ZNF385D: variants seen among roughly 807,000 people sequenced by gnomAD.
The protein encoded by ZNF385D is zinc finger protein 659.
A neutral mutation model predicts 35.8 loss-of-function variants in ZNF385D; 15 were observed. That is an observed-to-expected ratio of 0.42 (90% CI 0.28 to 0.64). The LOEUF (loss-of-function observed/expected upper bound fraction) is 0.64, where lower values mean the gene tolerates loss of function less well. ZNF385D is among the 30% of genes least tolerant of loss of function. The pLI is 0.23. For missense variants in ZNF385D, 474 were observed against 494.6 expected, an observed-to-expected ratio of 0.96 and a Z score of 0.39; for synonymous variants, 212 against 186.8, an observed-to-expected ratio of 1.13 and a Z score of -1.10.
chr3:21,627,868 A>G (rs1221013654), intron 2 of ZNF385D, among the ~76,000 whole-genome samples: 1 of 152,126 alleles, frequency 6.6e-6, no homozygotes, highest in African/African-American at 2.4e-5. Flanking sequence ...TGAAGCAACA[A>G]TAAGGGTAGA....
At chr3:21,681,311 A>AAC (rs1408181610) in intron 1 of ZNF385D, among the ~76,000 whole-genome samples, 1 of 150,062 alleles carries the variant, frequency 6.7e-6, no homozygotes, top group Non-Finnish European at 1.5e-5. Flanking sequence ...AAAAAAAAAA[A>AAC]AAAAAAAAAA....
chr3:22,219,499 A>G (rs1401849820), intron 2 of ZNF385D, among the ~76,000 whole-genome samples: 1 of 152,128 alleles, frequency 6.6e-6, no homozygotes, highest in African/African-American at 2.4e-5. Flanking sequence ...AGAATTTAAT[A>G]AAGCTGTTTT....
rs1051168765 is a variant in ZNF385D at position 21,539,306 on chromosome 3, C to T, written c.276+25268G>A. Among the ~76,000 whole-genome samples the T allele has an allele frequency of 3.3e-5, 5 of 152,004 alleles. No homozygotes were observed. Among genetic ancestry groups the T allele is most frequent in the Non-Finnish European group, 7.4e-5 (5 of 67,990 alleles). The stretch of plus-strand genomic sequence containing the variant: ...TAGATCACTTTCTCATTAATTGATG[C>T]CATTTTGCCCTGGTTTTGTTTCACG... On this transcript the variant is annotated intron_variant, in intron 3 of 7. Transcript: ENST00000281523. The surrounding 1 kb of genome is among the most constrained non-coding windows in gnomAD (Gnocchi z 4.0).
chr3:21,717,802 G>A (rs918605819), intron 1 of ZNF385D, among the ~76,000 whole-genome samples: 1 of 152,094 alleles, frequency 6.6e-6, no homozygotes, highest in Non-Finnish European at 1.5e-5. Context: ...TGATTGTGAG[G>A]CCTTTCTAGC....
chr3:21,452,031 T>C (rs1367297017), intron 4 of ZNF385D, among the ~76,000 whole-genome samples: 1 of 152,080 alleles, frequency 6.6e-6, no homozygotes, highest in African/African-American at 2.4e-5. Flanking sequence ...ACTATGTGTA[T>C]GACTAGAAAA....
chr3:21,542,100 G>T (rs149723936), intron 3 of ZNF385D, among the ~76,000 whole-genome samples: 1 of 151,992 alleles, frequency 6.6e-6, no homozygotes, highest in Non-Finnish European at 1.5e-5. Context: ...TACAAAACAA[G>T]CTTTCAGAAT....
At chr3:22,036,521 G>T (rs1479897275) in intron 3 of ZNF385D, among the ~76,000 whole-genome samples, 1 of 151,912 alleles carries the variant, frequency 6.6e-6, no homozygotes, top group African/African-American at 2.4e-5. Flanking sequence ...AGGAAAAATG[G>T]AAAGAAATAG....
At chr3:21,548,657 C>A (rs772958001) in intron 3 of ZNF385D, among the ~76,000 whole-genome samples, 5 of 152,176 alleles carry the variant, frequency 3.3e-5, no homozygotes, top group Non-Finnish European at 7.3e-5. Flanking sequence ...CCAGCAATTC[C>A]TGAACATGCT....
intron 3 of ZNF385D, among the ~76,000 whole-genome samples, chr3:22,027,803 C>T (rs936307150): frequency 2.0e-5 from 3 of 152,178 alleles, no homozygotes; most frequent in Non-Finnish European, 1.5e-5. Context: ...GCCTTCTCTA[C>T]CCCAGCCTGC....
At chr3:22,129,973 C>A (rs1308689250) in intron 3 of ZNF385D, among the ~76,000 whole-genome samples, 1 of 152,120 alleles carries the variant, frequency 6.6e-6, no homozygotes, top group Non-Finnish European at 1.5e-5. Context: ...CCCATGGCGA[C>A]TGCTGCCTGG....
At chr3:22,291,431 T>C (rs1702297529) in intron 2 of ZNF385D, among the ~76,000 whole-genome samples, 1 of 152,122 alleles carries the variant, frequency 6.6e-6, no homozygotes, top group South Asian at 2.1e-4. Context: ...TAATTAATAG[T>C]AAATTCTTAA....
intron 2 of ZNF385D, among the ~76,000 whole-genome samples, chr3:22,348,675 A>C (rs1304983501): frequency 6.7e-6 from 1 of 149,808 alleles, no homozygotes; most frequent in East Asian, 2.0e-4. Context: ...AGAAAGAAAG[A>C]AAGAAAGGAA....
chr3:21,983,629 G>C (rs1192862697), intron 3 of ZNF385D, among the ~76,000 whole-genome samples: 11 of 131,346 alleles, frequency 8.4e-5, no homozygotes, highest in African/African-American at 3.1e-4. Context: ...AAACATACGT[G>C]TGCATGTGTC....
chr3:22,131,175 T>C (rs1559393058), intron 3 of ZNF385D, among the ~76,000 whole-genome samples: 1 of 152,042 alleles, frequency 6.6e-6, no homozygotes, highest in African/African-American at 2.4e-5. Context: ...CACTCCAACA[T>C]TTAGAAGTCA....
chr3:21,772,273 C>T (rs573786394), intron 3 of ZNF385D, among the ~76,000 whole-genome samples: 3 of 151,980 alleles, frequency 2.0e-5, no homozygotes, highest in Admixed American at 2.0e-4. Context: ...AAGATACTAT[C>T]AGCAGAGTAG....
intron 3 of ZNF385D, among the ~76,000 whole-genome samples, chr3:21,970,033 G>A (rs996967606): frequency 1.1e-4 from 16 of 152,036 alleles, no homozygotes; most frequent in East Asian, 3.9e-4. Flanking sequence ...ATATAGCTGC[G>A]GTGATGAAAG....
chr3:21,816,872 C>T (rs1309415847), intron 3 of ZNF385D, among the ~76,000 whole-genome samples: 1 of 152,142 alleles, frequency 6.6e-6, no homozygotes, highest in African/African-American at 2.4e-5. Flanking sequence ...GCCTCCATTG[C>T]CAAGACAATC....
chr3:21,982,318 T>C (rs1346598517), intron 3 of ZNF385D, among the ~76,000 whole-genome samples: 1 of 151,974 alleles, frequency 6.6e-6, no homozygotes, highest in African/African-American at 2.4e-5. Flanking sequence ...TTCTAGGTTT[T>C]CTAGGTATTT....
At chr3:22,371,566 G>A (rs1183926179) in intron 2 of ZNF385D, among the ~76,000 whole-genome samples, 1 of 152,196 alleles carries the variant, frequency 6.6e-6, no homozygotes, top group Non-Finnish European at 1.5e-5. Context: ...CTGATTGTAA[G>A]GGGGACAGAT....
Sources: allele counts gnomAD v4.1 joint callset (sites outside exome capture counted in the v4.1 genomes callset), GRCh38; gene constraint gnomAD v4.1.1; non-coding constraint Gnocchi (gnomAD v3.1); transcripts MANE v1.5; gene names NCBI Gene and HGNC (gene_info 2026-07-23, HGNC 2026-07-21).